ETV5: variants seen among roughly 807,000 people sequenced by gnomAD.
ETV5 encodes the protein ETS variant transcription factor 5, also known as ETS translocation variant 5.
ETV5 carries 10 observed loss-of-function variants against 70.0 expected under a neutral mutation model. The observed-to-expected ratio is 0.14, with a 90% CI of 0.09 to 0.24. The LOEUF (loss-of-function observed/expected upper bound fraction) is 0.24, where lower values mean the gene tolerates loss of function less well. Among genes scored for constraint, ETV5 ranks in the 10% least tolerant of loss-of-function variants. The pLI is 1.00. For missense variants in ETV5, 453 were observed against 651.2 expected, an observed-to-expected ratio of 0.70 and a Z score of 3.31; for synonymous variants, 216 against 242.2, an observed-to-expected ratio of 0.89 and a Z score of 1.01.
Position 186,048,778 on chromosome 3 carries a change from G to A in ETV5, c.1394C>T (p.Pro465Leu), listed in dbSNP as rs2150140051. 2.5e-6 allele frequency: 4 copies of A among 1,614,122 alleles called. No homozygotes were observed. Among genetic ancestry groups the A allele is most frequent in the Non-Finnish European group, 3.4e-6 (4 of 1,180,018 alleles). The change falls in exon 13 of 13, where the codon CCG (proline) becomes CTG (leucine). Residue 465 changes from proline to leucine, a missense_variant. Transcript: ENST00000306376. The stretch of plus-strand genomic sequence containing the variant: ...GCACTCGGACTCTGCCTTCAGGAAC[G>A]GACGCTGGTTATCCGGGAAAGCCAT... ...FSMAFPDNQR[P>L]FLKAESECHL...
chr3:186,106,806 T>C (rs1714599379), intron 1 of ETV5: 2 of 291,686 alleles, frequency 6.9e-6, no homozygotes, highest in Admixed American at 6.5e-5. Flanking sequence ...AGGGTGGGGT[T>C]AGAAGGGAGA....
chr3:186,066,762 A>G (rs1365787952), intron 7 of ETV5, among the ~76,000 whole-genome samples: 4 of 152,262 alleles, frequency 2.6e-5, no homozygotes, highest in Admixed American at 6.5e-5. Flanking sequence ...TTGAAAAGGC[A>G]TAAGGACCCA....
At chr3:186,082,478 C>G (rs1471607914) in intron 5 of ETV5, among the ~76,000 whole-genome samples, 1 of 148,226 alleles carries the variant, frequency 6.7e-6, no homozygotes, top group South Asian at 2.1e-4. Flanking sequence ...CCCAGGCTGG[C>G]GTGCAATGGC....
At chr3:186,072,740 TTGTC>T (rs1450886851) in intron 7 of ETV5, among the ~76,000 whole-genome samples, 1 of 152,328 alleles carries the variant, frequency 6.6e-6, no homozygotes, top group East Asian at 1.9e-4. Flanking sequence ...GCCTACCTGT[TTGTC>T]TGACTTCTCA....
chr3:186,080,229 A>G, intron 6 of ETV5, 125 bp from the exon 7 acceptor site: 1 of 691,152 alleles, frequency 1.4e-6, no homozygotes, highest in Non-Finnish European at 2.2e-6. Flanking sequence ...AACATAGTTA[A>G]ATCGCTCGTA....
chr3:186,096,321 T>C (rs1714302067), intron 5 of ETV5, among the ~76,000 whole-genome samples: 1 of 152,140 alleles, frequency 6.6e-6, no homozygotes, highest in South Asian at 2.1e-4. Context: ...TGGGTGACCA[T>C]GTGAAAGAGA....
chr3:186,065,094 A>G (rs1713408610), intron 8 of ETV5, among the ~76,000 whole-genome samples: 2 of 152,230 alleles, frequency 1.3e-5, no homozygotes, highest in African/African-American at 4.8e-5. Context: ...TTCTTCAGCC[A>G]TCATGTTATC....
intron 1 of ETV5, among the ~76,000 whole-genome samples, chr3:186,107,773 G>A (rs2108447512): frequency 6.6e-6 from 1 of 152,084 alleles, no homozygotes; most frequent in African/African-American, 2.4e-5. Flanking sequence ...ATGAATGGGA[G>A]AGCGAGCCGC....
Position 186,046,559 on chromosome 3 carries a change from C to T in ETV5, c.*2080G>A, listed in dbSNP as rs917666895. ...GTCCAATGGGAATGCAACCGTGATG[C>T]CGCTGTCCTATGCCCAGTGACAGCA... is the stretch of plus-strand genomic sequence containing the variant. On this transcript the variant is annotated 3_prime_UTR_variant, in exon 13 of 13. Coordinates refer to ENST00000306376, the MANE Select transcript of ETV5 (RefSeq NM_004454.3). 8 of 231,294 alleles carry T rather than the reference C, an allele frequency of 3.5e-5. No individual in the cohort carries two copies. Among genetic ancestry groups the T allele is most frequent in the African/African-American group, 1.8e-4 (8 of 45,228 alleles). 14.3% of individuals were successfully genotyped at this position (231,294 alleles called of 1,614,324 possible). A position where few individuals can be genotyped will look rare whatever the true frequency, so the allele number is the denominator to read the frequency against.
At chr3:186,092,313 T>C (rs1578558071) in intron 5 of ETV5, among the ~76,000 whole-genome samples, 1 of 152,196 alleles carries the variant, frequency 6.6e-6, no homozygotes, top group East Asian at 1.9e-4. Context: ...ATAGCATTAG[T>C]AGACAATGGT....
At chr3:186,051,664 A>G (rs1195345791) in intron 12 of ETV5, among the ~76,000 whole-genome samples, 2 of 152,248 alleles carry the variant, frequency 1.3e-5, no homozygotes, top group African/African-American at 4.8e-5. Context: ...AAAGACTTCA[A>G]TCAAGCTGTT....
At chr3:186,078,090 G>A in intron 7 of ETV5, 1 of 1,052,142 alleles carries the variant, frequency 9.5e-7, no homozygotes, top group Non-Finnish European at 1.1e-6. Flanking sequence ...AGGGGGCTGG[G>A]TGGACTGGAG....
Position 186,105,927 on chromosome 3 carries a change from G to C in ETV5, c.-59C>G, listed in dbSNP as rs752965774. On this transcript the variant is annotated 5_prime_UTR_variant, in exon 2 of 13. Coordinates refer to ENST00000306376, the MANE Select transcript of ETV5 (RefSeq NM_004454.3). The surrounding 1 kb of genome is among the most constrained non-coding windows in gnomAD (Gnocchi z 4.5). ...GGTTTCAGCATTGAGTAATTTCTGG[G>C]GGAAAAGGGATCCTCCTGTAATATG... The C allele has an allele frequency of 3.8e-6, 6 of 1,595,668 alleles. No individual in the cohort carries two copies. The South Asian group carries it at 6.8e-5, about 18-fold the overall frequency.
chr3:186,084,110 T>C (rs763713390), intron 5 of ETV5: 1 of 368,640 alleles, frequency 2.7e-6, no homozygotes, highest in East Asian at 8.2e-5. Flanking sequence ...CACAGCACCT[T>C]GCAGATGGTG....
rs200871057 is a variant in ETV5, at chr3:186,109,083, G to GGACT, written c.-222_-219dup. On this transcript the variant is annotated 5_prime_UTR_variant, in exon 1 of 13. Coordinates refer to ENST00000306376, the MANE Select transcript of ETV5 (RefSeq NM_004454.3). ...TGAACCGCTCCGCGCACCAGCGGCT[G>GGACT]GACTCTGCGCCGCAGCTGCCAACCA... 4.9e-3 allele frequency: 745 copies of GGACT among 152,416 alleles called. 6 individuals are homozygous for GGACT. Among genetic ancestry groups the GGACT allele is most frequent in the Non-Finnish European group, 7.9e-3 (540 of 68,106 alleles). 9.4% of individuals were successfully genotyped at this position (152,416 alleles called of 1,614,324 possible).
At chr3:186,078,317 T>A in intron 7 of ETV5, 1 of 458,192 alleles carries the variant, frequency 2.2e-6, no homozygotes, top group Non-Finnish European at 3.1e-6. Context: ...TTTCAAATAC[T>A]GAATATATAC....
intron 1 of ETV5, among the ~76,000 whole-genome samples, chr3:186,107,660 G>GC (rs778150247): frequency 7.2e-5 from 11 of 152,028 alleles, no homozygotes; most frequent in East Asian, 5.8e-4. Flanking sequence ...CACTTCCTTT[G>GC]CCCCCCCACC....
intron 9 of ETV5, among the ~76,000 whole-genome samples, chr3:186,058,112 T>C (rs1450112590): frequency 6.6e-6 from 1 of 152,144 alleles, no homozygotes; most frequent in East Asian, 1.9e-4. Flanking sequence ...ACTGTATAGA[T>C]GACAAAACAG....
At chr3:186,075,929 C>T (rs1713773757) in intron 7 of ETV5, among the ~76,000 whole-genome samples, 1 of 152,130 alleles carries the variant, frequency 6.6e-6, no homozygotes, top group Non-Finnish European at 1.5e-5. Flanking sequence ...GGGCTTTCCT[C>T]AACTCAAGAT....
Sources: gnomAD v4.1 joint callset for allele counts (sites outside exome capture counted in the v4.1 genomes callset) on GRCh38, gnomAD v4.1.1 for gene constraint, Gnocchi (gnomAD v3.1) non-coding constraint, MANE v1.5 for transcripts, NCBI Gene and HGNC (gene_info 2026-07-23, HGNC 2026-07-21) for gene names.